The following COLGALT2 variants were observed in gnomAD, a reference collection of about 807,000 sequenced individuals.
COLGALT2 encodes the protein collagen beta(1-O)galactosyltransferase 2, also known as procollagen galactosyltransferase 2.
A neutral mutation model predicts 73.4 loss-of-function variants in COLGALT2; 49 were observed. That is an observed-to-expected ratio of 0.67 (90% CI 0.53 to 0.85). The LOEUF (loss-of-function observed/expected upper bound fraction) is 0.85. COLGALT2 is among the 40% of genes least tolerant of loss of function. COLGALT2 has a pLI of 0.00. For missense variants in COLGALT2, 722 were observed against 790.2 expected, an observed-to-expected ratio of 0.91 and a Z score of 1.03; for synonymous variants, 295 against 307.6, an observed-to-expected ratio of 0.96 and a Z score of 0.43.
At chr1:184,035,544 C>T (rs1318178786) in intron 1 of COLGALT2, among the ~76,000 whole-genome samples, 2 of 152,150 alleles carry the variant, frequency 1.3e-5, no homozygotes, top group Non-Finnish European at 2.9e-5. Context: ...ATCATAGCAT[C>T]CTCTTAAAAG....
intron 1 of COLGALT2, among the ~76,000 whole-genome samples, chr1:184,022,358 A>G (rs1246707892): frequency 6.6e-6 from 1 of 152,216 alleles, no homozygotes; most frequent in Admixed American, 6.5e-5. Flanking sequence ...TGTGTTGGAA[A>G]CTTGATCCCC....
At chr1:183,985,560 A>T (rs1480561055) in intron 1 of COLGALT2, among the ~76,000 whole-genome samples, 2 of 152,212 alleles carry the variant, frequency 1.3e-5, no homozygotes, top group Non-Finnish European at 2.9e-5. Flanking sequence ...GGCATGAGCC[A>T]CCGCACCCGG....
intron 1 of COLGALT2, among the ~76,000 whole-genome samples, chr1:184,030,272 C>G (rs1405397413): frequency 2.0e-5 from 3 of 152,050 alleles, no homozygotes; most frequent in Non-Finnish European, 4.4e-5. Context: ...ATAAAAATGT[C>G]AAAACATAGA....
chr1:183,957,544 A>G (rs1670585578), intron 6 of COLGALT2, among the ~76,000 whole-genome samples: 1 of 152,182 alleles, frequency 6.6e-6, no homozygotes, highest in African/African-American at 2.4e-5. Context: ...GTTGCAGCCT[A>G]GCTTGGGTCC....
intron 5 of COLGALT2, 91 bp from the exon 6 acceptor site, chr1:183,964,111 C>T (rs745954000): frequency 2.2e-6 from 3 of 1,385,242 alleles, no homozygotes. Flanking sequence ...GTGTCTGATG[C>T]TGAGTTTGAC....
intron 1 of COLGALT2, among the ~76,000 whole-genome samples, chr1:183,984,902 G>C (rs1212153181): frequency 2.0e-5 from 3 of 152,114 alleles, no homozygotes; most frequent in Non-Finnish European, 2.9e-5. Flanking sequence ...GATGCTCCCA[G>C]GTCAACAGGT....
chr1:183,990,002 A>G (rs1558327798), intron 1 of COLGALT2, among the ~76,000 whole-genome samples: 2 of 152,218 alleles, frequency 1.3e-5, no homozygotes. Flanking sequence ...CTTAAGACAC[A>G]TGCAAAAAAG....
chr1:183,949,996 G>A (rs1485426602), intron 8 of COLGALT2, among the ~76,000 whole-genome samples: 1 of 152,180 alleles, frequency 6.6e-6, no homozygotes, highest in Non-Finnish European at 1.5e-5. Context: ...GATTTAGGAA[G>A]TGAAAAACAC....
Position 183,975,125 on chromosome 1 carries a change from G to T in COLGALT2, c.464C>A (p.Ala155Glu), listed in dbSNP as rs749267395. Residue 155 changes from alanine to glutamate, a missense_variant, in exon 3 of 12, where the codon GCG becomes GAG. Coordinates refer to ENST00000361927, the MANE Select transcript of COLGALT2 (RefSeq NM_015101.4). ...MKLRQAALRT[A>E]REKWSDYILF... ...AATGTAGTCTGACCATTTTTCCCTC[G>T]CAGTTCGAAGGGCTGCCTGTCGTAG... is the stretch of plus-strand genomic sequence containing the variant. 2 of 1,613,416 alleles carry T rather than the reference G, an allele frequency of 1.2e-6. No individual in the cohort carries two copies. The highest frequency in any genetic ancestry group is 1.7e-6 in the Non-Finnish European group (2 of 1,179,616).
At chr1:183,976,785 T>C (rs1461242050) in intron 2 of COLGALT2, among the ~76,000 whole-genome samples, 5 of 152,174 alleles carry the variant, frequency 3.3e-5, no homozygotes, top group Non-Finnish European at 5.9e-5. Context: ...GCGTATATCA[T>C]TGTGCCAAAA....
intron 1 of COLGALT2, among the ~76,000 whole-genome samples, chr1:183,981,250 A>G (rs555143956): frequency 1.3e-5 from 2 of 152,360 alleles, no homozygotes; most frequent in African/African-American, 4.8e-5. Flanking sequence ...TATATATGAT[A>G]TAATACAGTT....
At chr1:183,956,567 T>C (rs1322353024) in intron 6 of COLGALT2, among the ~76,000 whole-genome samples, 1 of 152,318 alleles carries the variant, frequency 6.6e-6, no homozygotes, top group South Asian at 2.1e-4. Flanking sequence ...CTCTCCCTCC[T>C]GGGGCCTGAG....
intron 7 of COLGALT2, among the ~76,000 whole-genome samples, chr1:183,953,431 G>A (rs889503557): frequency 2.6e-5 from 4 of 152,142 alleles, no homozygotes; most frequent in Admixed American, 6.5e-5. Flanking sequence ...AAAGAAGACC[G>A]GAACTGGAAG....
At chr1:183,959,058 T>G (rs1171316167) in intron 6 of COLGALT2, among the ~76,000 whole-genome samples, 1 of 152,138 alleles carries the variant, frequency 6.6e-6, no homozygotes, top group Non-Finnish European at 1.5e-5. Context: ...GTCAAGGTCA[T>G]CACAGACCTC....
chr1:184,018,058 A>G (rs982378054), intron 1 of COLGALT2, among the ~76,000 whole-genome samples: 2 of 152,250 alleles, frequency 1.3e-5, no homozygotes, highest in South Asian at 2.1e-4. Context: ...AATAATTCAT[A>G]TACCAACAAA....
In COLGALT2 at chr1:183,936,504, A is replaced by G; in HGVS notation, c.*2257T>C. 3 of 1,010,284 alleles carry G rather than the reference A, an allele frequency of 3.0e-6. No individual in the cohort carries two copies. Among genetic ancestry groups the G allele is most frequent in the Non-Finnish European group, 3.5e-6 (3 of 846,822 alleles). 62.6% of individuals were successfully genotyped at this position (1,010,284 alleles called of 1,614,324 possible). On this transcript the variant is annotated 3_prime_UTR_variant, in exon 12 of 12. Transcript: ENST00000361927. Reference sequence around the variant, plus strand: ...GAATGAGAGTTCTTAAATCTGTCAGACCAGCTGACAGGGGAACAGGAAAAA... The same window carrying G: ...GAATGAGAGTTCTTAAATCTGTCAGGCCAGCTGACAGGGGAACAGGAAAAA...
intron 1 of COLGALT2, among the ~76,000 whole-genome samples, chr1:183,990,402 G>A (rs990170100): frequency 1.3e-5 from 2 of 152,198 alleles, no homozygotes; most frequent in Non-Finnish European, 2.9e-5. Flanking sequence ...CCTCTGTGCC[G>A]GTGATCGTGG....
At chr1:183,980,624 C>T (rs74130489) in intron 1 of COLGALT2, among the ~76,000 whole-genome samples, 1,981 of 152,148 alleles carry the variant, frequency 0.013, 37 homozygotes, top group African/African-American at 0.045. Context: ...TCTACCAAAT[C>T]CTACAATAGA....
intron 1 of COLGALT2, among the ~76,000 whole-genome samples, chr1:184,002,426 A>G (rs1671956040): frequency 6.6e-6 from 1 of 152,240 alleles, no homozygotes; most frequent in Non-Finnish European, 1.5e-5. Flanking sequence ...GAAAGAAGAA[A>G]CAGCAAAGGG....
Sources: allele counts gnomAD v4.1 joint callset (sites outside exome capture counted in the v4.1 genomes callset), GRCh38; gene constraint gnomAD v4.1.1; transcripts MANE v1.5; gene names NCBI Gene and HGNC (gene_info 2026-07-23, HGNC 2026-07-21).